The following EXOC6 variants were observed in gnomAD, a reference collection of about 807,000 sequenced individuals.
EXOC6 encodes SEC15-like 1.
In EXOC6, 60 loss-of-function variants were observed where a neutral mutation model predicts 112.5. The ratio of observed to expected loss-of-function variants is 0.53; its 90% CI spans 0.43 to 0.66. EXOC6 has a LOEUF of 0.66. Among genes scored for constraint, EXOC6 ranks in the 30% least tolerant of loss-of-function variants. EXOC6 has a pLI of 0.00. For synonymous variants in EXOC6, 295 were observed against 308.0 expected (o/e 0.96, Z 0.44); for missense variants, 855 against 957.1 (o/e 0.89, Z 1.41).
At chr10:92,889,885 G>A (rs1849413578) in intron 1 of EXOC6, among the ~76,000 whole-genome samples, 1 of 152,122 alleles carries the variant, frequency 6.6e-6, no homozygotes, top group Admixed American at 6.5e-5. Context: ...GAGTAGCTGG[G>A]ACTACAGGCG....
At chr10:92,945,955 C>T (rs1298604245) in intron 13 of EXOC6, among the ~76,000 whole-genome samples, 2 of 152,022 alleles carry the variant, frequency 1.3e-5, no homozygotes, top group African/African-American at 2.4e-5. Flanking sequence ...TGATTAGTGG[C>T]GCACACCCTG....
chr10:92,953,340 A>G (rs972389446), intron 15 of EXOC6, among the ~76,000 whole-genome samples: 2 of 152,172 alleles, frequency 1.3e-5, no homozygotes, highest in Non-Finnish European at 2.9e-5. Flanking sequence ...CAGCCTCCCA[A>G]AGTGCTGAGA....
chr10:93,016,671 A>T (rs765841722), intron 20 of EXOC6, among the ~76,000 whole-genome samples: 45 of 152,176 alleles, frequency 3.0e-4, no homozygotes, highest in Non-Finnish European at 5.4e-4. Flanking sequence ...TATTTATACA[A>T]ATATTCATGT....
intron 1 of EXOC6, among the ~76,000 whole-genome samples, chr10:92,874,189 A>G (rs537801568): frequency 1.2e-4 from 19 of 152,324 alleles, no homozygotes; most frequent in African/African-American, 4.6e-4. Context: ...AATACCAAGC[A>G]GCAGTATTTT....
intron 4 of EXOC6, among the ~76,000 whole-genome samples, chr10:92,897,259 C>T (rs1456663884): frequency 4.6e-5 from 7 of 152,122 alleles, no homozygotes; most frequent in East Asian, 1.9e-4. Context: ...AAGGCTAGGC[C>T]GCAACTCTTA....
chr10:92,952,818 A>G (rs1376493185), intron 15 of EXOC6, among the ~76,000 whole-genome samples: 1 of 152,128 alleles, frequency 6.6e-6, no homozygotes, highest in East Asian at 1.9e-4. Context: ...CATGGTGTTT[A>G]TATACCACAT....
At chr10:92,864,147 T>G (rs1302518754) in intron 1 of EXOC6, among the ~76,000 whole-genome samples, 1 of 152,024 alleles carries the variant, frequency 6.6e-6, no homozygotes, top group Non-Finnish European at 1.5e-5. Context: ...ACACAGAAAA[T>G]TATTCTGGCA....
At chr10:92,943,169 C>T (rs1852767921) in intron 13 of EXOC6, among the ~76,000 whole-genome samples, 1 of 151,980 alleles carries the variant, frequency 6.6e-6, no homozygotes, top group African/African-American at 2.4e-5. Flanking sequence ...CAGGCGCCCA[C>T]CACCACGCCC....
chr10:92,960,660 G>A (rs755657207), intron 17 of EXOC6, among the ~76,000 whole-genome samples: 4 of 149,674 alleles, frequency 2.7e-5, no homozygotes, highest in East Asian at 1.9e-4. Context: ...TACTAGCACC[G>A]TAGAAGCCTT....
At chr10:92,830,058 A>G (rs1227674835), upstream of EXOC6, among the ~76,000 whole-genome samples, 4 of 152,232 alleles carry the variant, frequency 2.6e-5, no homozygotes, top group Admixed American at 1.3e-4. Context: ...AGAAGTAACA[A>G]TAAGTATAAG....
At chr10:92,947,189 A>G (rs1047594537) in intron 13 of EXOC6, among the ~76,000 whole-genome samples, 1 of 152,222 alleles carries the variant, frequency 6.6e-6, no homozygotes, top group African/African-American at 2.4e-5. Context: ...GTGGATGAAC[A>G]TGTTTTATTC....
rs896500282 is a variant in EXOC6, at chr10:92,906,472, C to T, written c.459-2955C>T. On this transcript the variant is annotated intron_variant, in intron 5 of 21. Transcript: ENST00000260762. The stretch of plus-strand genomic sequence containing the variant: ...GTGGCATAATTTGTACTTTGTAGGC[C>T]AGAGAATCATTAGAGTACTCACATG... 8.5e-5 allele frequency among the ~76,000 whole-genome samples: 13 copies of T among 152,130 alleles called. No homozygotes were observed. In the East Asian group the frequency reaches 2.5e-3, roughly 29 times the overall value.
intron 19 of EXOC6, among the ~76,000 whole-genome samples, chr10:93,006,111 G>A (rs1246763317): frequency 6.6e-6 from 1 of 151,940 alleles, no homozygotes; most frequent in Non-Finnish European, 1.5e-5. Flanking sequence ...AGTGAGCCGT[G>A]ATCATGCCAC....
At chr10:92,980,394 G>T (rs377483545) in intron 18 of EXOC6, among the ~76,000 whole-genome samples, 14 of 152,180 alleles carry the variant, frequency 9.2e-5, no homozygotes, top group African/African-American at 3.4e-4. Context: ...CAAAAAGTGG[G>T]TACTGTTAAT....
At chr10:92,919,011 T>C (rs1157943625) in intron 7 of EXOC6, among the ~76,000 whole-genome samples, 1 of 152,184 alleles carries the variant, frequency 6.6e-6, no homozygotes, top group Non-Finnish European at 1.5e-5. Context: ...TTTGTCCCTT[T>C]AAATTAAATA....
intron 18 of EXOC6, among the ~76,000 whole-genome samples, chr10:92,985,239 A>G (rs1842959153): frequency 2.0e-5 from 3 of 151,970 alleles, no homozygotes; most frequent in African/African-American, 7.2e-5. Flanking sequence ...ATTGTTTCAG[A>G]AATCTTCAGT....
chr10:92,928,285 T>C, intron 8 of EXOC6, 54 bp from the exon 9 acceptor site: 1 of 940,740 alleles, frequency 1.1e-6, no homozygotes, highest in Non-Finnish European at 1.7e-6. Context: ...GTATCTGTTT[T>C]AGTTGTATGT....
In EXOC6 at chr10:93,049,763, G is replaced by A. The variant is rs980547819; in HGVS notation, c.2170-7161G>A. Among the ~76,000 whole-genome samples, 15 of 152,130 alleles carry A rather than the reference G, an allele frequency of 9.9e-5. No homozygotes were observed. In the East Asian group the frequency reaches 1.4e-3, roughly 14 times the overall value. ...GCCAGCTAATTTTTAATTGTATGTC[G>A]AAACAGGGTCTCACCGTGTTGCCCA... On this transcript the variant is annotated intron_variant, in intron 20 of 21. Transcript: ENST00000260762.
At chr10:92,953,906 A>G (rs1257663603) in intron 15 of EXOC6, among the ~76,000 whole-genome samples, 1 of 152,196 alleles carries the variant, frequency 6.6e-6, no homozygotes, top group African/African-American at 2.4e-5. Context: ...TTTGTTTATT[A>G]TATCTAGAAA....
Sources: allele counts gnomAD v4.1 joint callset (sites outside exome capture counted in the v4.1 genomes callset), GRCh38; gene constraint gnomAD v4.1.1; transcripts MANE v1.5; gene names NCBI Gene and HGNC (gene_info 2026-07-23, HGNC 2026-07-21).